The following FARS2 variants were observed in gnomAD, a reference collection of about 807,000 sequenced individuals.
FARS2 encodes phenylalanine--tRNA ligase, mitochondrial.
Under a neutral mutation model 46.4 loss-of-function variants are expected in FARS2, and 40 were observed. The ratio of observed to expected loss-of-function variants is 0.86; its 90% confidence interval spans 0.67 to 1.12. The LOEUF (loss-of-function observed/expected upper bound fraction) is 1.12. Among genes scored for constraint, FARS2 ranks in the 50% most tolerant of loss-of-function variants. The probability of loss-of-function intolerance (pLI) is 0.00; values close to 1 mark genes in which losing one functional copy is unlikely to be tolerated. For synonymous variants in FARS2, 234 were observed against 214.9 expected (o/e 1.09, Z -0.78); for missense variants, 513 against 567.9 (o/e 0.90, Z 0.98).
At chr6:5,708,980 G>T (rs145683194) in intron 6 of FARS2, among the ~76,000 whole-genome samples, 4 of 152,206 alleles carry the variant, frequency 2.6e-5, no homozygotes, top group Non-Finnish European at 5.9e-5. Flanking sequence ...TCTAAAGCCA[G>T]GGTTGCTGGC....
chr6:5,507,386 TAA>T (rs11310332), intron 4 of FARS2, among the ~76,000 whole-genome samples: 7,576 of 150,768 alleles, frequency 0.05, 233 homozygotes, highest in Non-Finnish European at 0.066. Flanking sequence ...GGAAGCTCTT[TAA>T]AAAAAAAAAA....
At chr6:5,496,649 C>T (rs1201240471) in intron 4 of FARS2, among the ~76,000 whole-genome samples, 1 of 152,064 alleles carries the variant, frequency 6.6e-6, no homozygotes, top group African/African-American at 2.4e-5. Context: ...ATGGTCTTTC[C>T]CTCTGTGTGT....
intron 4 of FARS2, among the ~76,000 whole-genome samples, chr6:5,540,341 G>C (rs1392857612): frequency 6.6e-6 from 1 of 152,140 alleles, no homozygotes; most frequent in African/African-American, 2.4e-5. Flanking sequence ...TGAGCATTTT[G>C]TGATCATTTC....
At chr6:5,726,969 C>A (rs1369841154) in intron 6 of FARS2, among the ~76,000 whole-genome samples, 1 of 152,224 alleles carries the variant, frequency 6.6e-6, no homozygotes, top group Non-Finnish European at 1.5e-5. Context: ...TTGGTTAAAA[C>A]AAGCACAGTT....
chr6:5,494,000 T>A (rs1767292364), intron 4 of FARS2, among the ~76,000 whole-genome samples: 1 of 152,228 alleles, frequency 6.6e-6, no homozygotes, highest in Admixed American at 6.5e-5. Context: ...GTGCCAGCGC[T>A]ATTTCAGCAG....
At chr6:5,583,201 C>T (rs1277601078) in intron 5 of FARS2, among the ~76,000 whole-genome samples, 2 of 152,164 alleles carry the variant, frequency 1.3e-5, no homozygotes, top group Non-Finnish European at 2.9e-5. Context: ...ACTGTTCTTC[C>T]TTAGCAATTA....
chr6:5,272,656 G>A lies in FARS2; in HGVS notation c.-22+10996G>A, dbSNP rs116161325. Among the ~76,000 whole-genome samples, 677 of 152,158 alleles carry A rather than the reference G, an allele frequency of 4.4e-3. 3 individuals carry two copies. The highest frequency in any genetic ancestry group is 0.016 in the African/African-American group (648 of 41,516). Reference sequence around the variant, plus strand: ...TATCACCTTAAATATTTGTCTTTATGCTAGAAACATTCAAATTGTTTTCTT... The same window carrying A: ...TATCACCTTAAATATTTGTCTTTATACTAGAAACATTCAAATTGTTTTCTT... On this transcript the variant is annotated intron_variant, in intron 1 of 6. Coordinates refer to ENST00000274680, the MANE Select transcript of FARS2 (RefSeq NM_006567.5).
intron 4 of FARS2, among the ~76,000 whole-genome samples, chr6:5,491,098 A>G (rs534852049): frequency 5.5e-4 from 84 of 152,288 alleles, no homozygotes; most frequent in Non-Finnish European, 9.4e-4. Context: ...AACATTTTAT[A>G]TTGTTGGTTC....
At chr6:5,528,282 A>G (rs1769598275) in intron 4 of FARS2, among the ~76,000 whole-genome samples, 1 of 151,998 alleles carries the variant, frequency 6.6e-6, no homozygotes, top group African/African-American at 2.4e-5. Flanking sequence ...CTCCCCCTTT[A>G]GCCTCCTGAG....
Position 5,320,083 on chromosome 6 carries a change from A to C in FARS2, c.-21-48467A>C, listed in dbSNP as rs143807747. Among the ~76,000 whole-genome samples, 491 of 152,370 alleles carry C rather than the reference A, an allele frequency of 3.2e-3. 1 individual carries two copies. Among genetic ancestry groups the C allele is most frequent in the Non-Finnish European group, 2.6e-3 (177 of 68,034 alleles). On this transcript the variant is annotated intron_variant, in intron 1 of 6. Transcript: ENST00000274680. ...ACTTGATAAATAGATCCCAAGGTCAAGTTGGTGCAGGAAATGCAAATGTCC... is the reference window on the plus strand; with the variant it reads ...ACTTGATAAATAGATCCCAAGGTCACGTTGGTGCAGGAAATGCAAATGTCC...
chr6:5,419,076 ACT>A (rs776124608), intron 3 of FARS2, among the ~76,000 whole-genome samples: 1 of 150,388 alleles, frequency 6.6e-6, no homozygotes, highest in Non-Finnish European at 1.5e-5. Flanking sequence ...CTCATCACTT[ACT>A]CTCTGTGTCT....
chr6:5,612,527 T>C (rs7755747), intron 5 of FARS2, among the ~76,000 whole-genome samples: 4,762 of 152,256 alleles, frequency 0.031, 256 homozygotes, highest in African/African-American at 0.11. Context: ...ATACAGTAAC[T>C]TCTAAACATA....
intron 4 of FARS2, among the ~76,000 whole-genome samples, chr6:5,519,817 T>C (rs527329005): frequency 6.6e-5 from 10 of 152,338 alleles, no homozygotes; most frequent in African/African-American, 2.4e-4. Context: ...TGTGCCTCAC[T>C]GGATGGCTTG....
chr6:5,673,870 G>A (rs529792600), intron 6 of FARS2, among the ~76,000 whole-genome samples: 38 of 152,240 alleles, frequency 2.5e-4, no homozygotes, highest in Middle Eastern at 3.4e-3. Context: ...TAATGTATCT[G>A]TACATCTTAG....
chr6:5,484,425 A>T (rs762431200), intron 4 of FARS2, among the ~76,000 whole-genome samples: 3 of 152,220 alleles, frequency 2.0e-5, no homozygotes, highest in Non-Finnish European at 4.4e-5. Context: ...GGAATGTTCC[A>T]TATCTGTGCT....
intron 2 of FARS2, among the ~76,000 whole-genome samples, chr6:5,380,111 A>G (rs998819001): frequency 1.3e-5 from 2 of 152,222 alleles, no homozygotes; most frequent in African/African-American, 4.8e-5. Flanking sequence ...TCTGAAAACA[A>G]TTAGGTAATG....
At chr6:5,269,399 T>C (rs1338160146) in intron 1 of FARS2, among the ~76,000 whole-genome samples, 2 of 150,170 alleles carry the variant, frequency 1.3e-5, no homozygotes, top group East Asian at 3.9e-4. Flanking sequence ...GCATGGCACA[T>C]GTGTACATAT....
chr6:5,717,387 G>GTGTGTGTGTCTA (rs1554128779), intron 6 of FARS2, among the ~76,000 whole-genome samples: 1 of 150,884 alleles, frequency 6.6e-6, no homozygotes, highest in East Asian at 1.9e-4. Context: ...GTGTGTGTGT[G>GTGTGTGTGTCTA]TGTCTATGTA....
chr6:5,256,490 G>GAAAAAAAAAAAAAAAAAAAAAAAAAA (rs777995486), upstream of FARS2, among the ~76,000 whole-genome samples: 1 of 37,520 alleles, frequency 2.7e-5, no homozygotes, highest in Non-Finnish European at 5.4e-5. Flanking sequence ...GATTTCAACT[G>GAAAAAAAAAAAAAAAAAAAAAAAAAA]GAAAAAAAAA....
Sources: allele counts gnomAD v4.1 joint callset (sites outside exome capture counted in the v4.1 genomes callset), GRCh38; gene constraint gnomAD v4.1.1; transcripts MANE v1.5; gene names NCBI Gene and HGNC (gene_info 2026-07-23, HGNC 2026-07-21).